The following GRPEL1 variants were observed in gnomAD, a reference collection of about 807,000 sequenced individuals.
The protein encoded by GRPEL1 is GrpE like 1, mitochondrial.
In GRPEL1, 13 loss-of-function variants were observed where a neutral mutation model predicts 22.1. That is an observed-to-expected ratio of 0.59 (90% confidence interval 0.38 to 0.94). The LOEUF (loss-of-function observed/expected upper bound fraction) is 0.94, where lower values mean the gene tolerates loss of function less well. Among genes scored for constraint, GRPEL1 ranks in the 40% least tolerant of loss-of-function variants. The pLI, the probability that GRPEL1 is intolerant of heterozygous loss-of-function variation, is 0.00. For missense variants in GRPEL1, 289 were observed against 264.6 expected, an observed-to-expected ratio of 1.09 and a Z score of -0.64; for synonymous variants, 109 against 105.3, an observed-to-expected ratio of 1.03 and a Z score of -0.21.
At chr4:7,067,499 A>C in intron 1 of GRPEL1, 2 of 161,346 alleles carry the variant, frequency 1.2e-5, no homozygotes, top group Non-Finnish European at 2.7e-5. Context: ...GCGGCACGGA[A>C]ATGAGTAACC....
At chr4:7,065,257 G>C (rs1724137354) in intron 1 of GRPEL1, among the ~76,000 whole-genome samples, 1 of 152,240 alleles carries the variant, frequency 6.6e-6, no homozygotes, top group Admixed American at 6.5e-5. Flanking sequence ...GCTCACGCCA[G>C]TAATCCCAGC....
Position 7,061,290 on chromosome 4 carries a change from T to C in GRPEL1, c.308-82A>G, listed in dbSNP as rs556103406. ...CAAACTGAGCACTGCTGACCTGATG[T>C]GGAGGCTATTTAGTAACTTGTCAAA... On this transcript the variant is annotated intron_variant, in intron 3 of 3. Coordinates refer to ENST00000264954, the MANE Select transcript of GRPEL1 (RefSeq NM_025196.4). 5.0e-5 allele frequency: 53 copies of C among 1,063,886 alleles called. No homozygotes were observed. In the Admixed American group the frequency reaches 1.1e-3, roughly 23 times the overall value. The allele number at this position is 1,063,886 out of a possible 1,614,324, so 65.9% of individuals were successfully genotyped here.
At chr4:7,064,378 T>A (rs1560401084) in intron 1 of GRPEL1, 155 bp from the exon 2 acceptor site, 1 of 654,182 alleles carries the variant, frequency 1.5e-6, no homozygotes, top group Non-Finnish European at 2.5e-6. Flanking sequence ...ACACTGTACG[T>A]GACATATAGA....
rs181556406 is a variant in GRPEL1 at position 7,066,860 on chromosome 4, C to T, written c.62+1111G>A. Among the ~76,000 whole-genome samples, 373 of 152,336 alleles carry T rather than the reference C, an allele frequency of 2.4e-3. 3 individuals are homozygous for T. Among genetic ancestry groups the T allele is most frequent in the African/African-American group, 8.4e-3 (348 of 41,570 alleles). On this transcript the variant is annotated intron_variant, in intron 1 of 3. Coordinates refer to ENST00000264954, the MANE Select transcript of GRPEL1 (RefSeq NM_025196.4). Reference sequence around the variant, plus strand: ...GTTCTCCTGCCTTTCCCTAGTTGAGCATCTTTCCACAAAACTACCATTCTA... The same window carrying T: ...GTTCTCCTGCCTTTCCCTAGTTGAGTATCTTTCCACAAAACTACCATTCTA...
At chr4:7,067,841 G>C in intron 1 of GRPEL1, 130 bp downstream of exon 1, 1 of 937,528 alleles carries the variant, frequency 1.1e-6, no homozygotes, top group Non-Finnish European at 1.6e-6. Context: ...CCGCGGCGGG[G>C]AACCGCGAGC....
intron 2 of GRPEL1, among the ~76,000 whole-genome samples, chr4:7,062,882 A>T (rs1224585505): frequency 6.6e-6 from 1 of 152,166 alleles, no homozygotes; most frequent in East Asian, 1.9e-4. Flanking sequence ...TGTGTAACTA[A>T]CTACAAGTCA....
intron 2 of GRPEL1, 50 bp downstream of exon 2, chr4:7,064,011 G>C: frequency 6.3e-7 from 1 of 1,582,092 alleles, no homozygotes; most frequent in Non-Finnish European, 8.6e-7. Flanking sequence ...TGGCCCAGGA[G>C]AGAAACAGTT....
rs751435677 is a variant in GRPEL1 at position 7,061,039 on chromosome 4, G to A, written c.477C>T (p.Gly159=). The change falls in exon 4 of 4, where the codon GGC becomes GGT. Residue 159 remains glycine (G), a synonymous_variant. Coordinates refer to ENST00000264954, the MANE Select transcript of GRPEL1 (RefSeq NM_025196.4). ...CTCCGACAGGGTTCAACTTGAGCAA[G>A]CCATGCTTTGTGAACACCTTCTGGA... ...VQIQKVFTKH[G]LLKLNPVGAK... 3 of 1,614,204 alleles carry A rather than the reference G, an allele frequency of 1.9e-6. No individual in the cohort carries two copies. The highest frequency in any genetic ancestry group is 2.5e-6 in the Non-Finnish European group (3 of 1,180,038).
At chr4:7,062,490 T>TTATATATATA (rs59986387) in intron 2 of GRPEL1, 24 bp from the exon 3 acceptor site, 12 of 617,368 alleles carry the variant, frequency 1.9e-5, no homozygotes, top group East Asian at 5.7e-5. Context: ...AAAGGGATAT[T>TTATATATATA]TATATATATA....
At chr4:7,067,890 G>A in intron 1 of GRPEL1, 81 bp downstream of exon 1, 3 of 1,438,266 alleles carry the variant, frequency 2.1e-6, no homozygotes, top group Non-Finnish European at 2.9e-6. Context: ...CCGGGAAGGA[G>A]GCCCCGGGGC....
chr4:7,065,252 C>T (rs558018475), intron 1 of GRPEL1, among the ~76,000 whole-genome samples: 5 of 152,334 alleles, frequency 3.3e-5, no homozygotes, highest in South Asian at 2.1e-4. Context: ...CGCTGGCTCA[C>T]GCCAGTAATC....
rs747347955 is a variant in GRPEL1, at chr4:7,064,194, G to A, written c.92C>T (p.Thr31Met). 12 of 1,613,694 alleles carry A rather than the reference G, an allele frequency of 7.4e-6. No individual in the cohort carries two copies. Among genetic ancestry groups the A allele is most frequent in the East Asian group, 2.2e-5 (1 of 44,862 alleles). The change falls in exon 2 of 4, where the codon ACG (threonine) becomes ATG (methionine). Residue 31 changes from threonine to methionine, a missense_variant. Coordinates refer to ENST00000264954, the MANE Select transcript of GRPEL1 (RefSeq NM_025196.4). ...RPSPRLLCTATKQKNSGQNLE... is the reference protein window; with the variant it reads ...RPSPRLLCTAMKQKNSGQNLE... ...GTTCTGGCCACTGTTCTTTTGTTTCGTGGCTGTGCACAACAACCGGGGAGA... is the reference window on the plus strand; with the variant it reads ...GTTCTGGCCACTGTTCTTTTGTTTCATGGCTGTGCACAACAACCGGGGAGA...
At chr4:7,063,913 T>G in intron 2 of GRPEL1, 148 bp downstream of exon 2, 2 of 828,614 alleles carry the variant, frequency 2.4e-6, no homozygotes, top group Non-Finnish European at 3.6e-6. Context: ...GCTTTGGCAG[T>G]AACTTGCCAC....
chr4:7,062,508 ATATATATCTT>A (rs1724066930), intron 2 of GRPEL1, 42 bp from the exon 3 acceptor site: 2 of 474,758 alleles, frequency 4.2e-6, no homozygotes, highest in African/African-American at 2.5e-5. Flanking sequence ...ATATATATAT[ATATATATCTT>A]TTTTTTTGAG....
chr4:7,064,238 A>G lies in GRPEL1; in HGVS notation c.63-15T>C, dbSNP rs576819542. 2 of 1,600,434 alleles carry G rather than the reference A, an allele frequency of 1.2e-6. No individual in the cohort carries two copies. Among genetic ancestry groups the G allele is most frequent in the East Asian group, 2.2e-5 (1 of 44,608 alleles). ...GGGGAGATGGCCTACAGGGAAGTCC[A>G]CACGTGAGAAACGAAGACTTAGTTT... On this transcript the variant is annotated splice_polypyrimidine_tract_variant and intron_variant, in intron 1 of 3. Transcript: ENST00000264954.
rs1049159083 is a variant in GRPEL1 at position 7,063,075 on chromosome 4, G to A, written c.226-609C>T. On this transcript the variant is annotated intron_variant, in intron 2 of 3. Coordinates refer to ENST00000264954, the MANE Select transcript of GRPEL1 (RefSeq NM_025196.4). ...TATTCCTCATGTCTCACCACCTTCC[G>A]GTAAGCTCACTCATCTGAGCCTTTT... Among the ~76,000 whole-genome samples the A allele has an allele frequency of 8.6e-5, 13 of 151,406 alleles. No individual in the cohort carries two copies. The East Asian group carries it at 9.7e-4, about 11-fold the overall frequency.
rs182271937 is a variant in GRPEL1 at position 7,062,731 on chromosome 4, C to T, written c.226-265G>A. On this transcript the variant is annotated intron_variant, in intron 2 of 3. Coordinates refer to ENST00000264954, the MANE Select transcript of GRPEL1 (RefSeq NM_025196.4). ...GTTTCACCGTGTTAGCCAGGATGGT[C>T]TCCATCTCCTGACCTTGTGATCCGA... Among the ~76,000 whole-genome samples, 503 of 152,086 alleles carry T rather than the reference C, an allele frequency of 3.3e-3. 3 individuals are homozygous for T. The highest frequency in any genetic ancestry group is 0.011 in the African/African-American group (475 of 41,460).
In GRPEL1 at chr4:7,064,220, T is replaced by C. The variant is rs1172842436; in HGVS notation, c.66A>G (p.Pro22=). The C allele has an allele frequency of 3.7e-6, 6 of 1,612,038 alleles. No individual in the cohort carries two copies. The highest frequency in any genetic ancestry group is 5.1e-6 in the Non-Finnish European group (6 of 1,178,932). Residue 22 remains proline (P), a synonymous_variant, in exon 2 of 4, where the codon CCA becomes CCG. Transcript: ENST00000264954. ...TGGCTGTGCACAACAACCGGGGAGATGGCCTACAGGGAAGTCCACACGTGA... is the reference window on the plus strand; with the variant it reads ...TGGCTGTGCACAACAACCGGGGAGACGGCCTACAGGGAAGTCCACACGTGA... The part of the protein sequence containing the change: ...SLPALALSLR[P]SPRLLCTATK...
Position 7,062,376 on chromosome 4 carries a change from T to C in GRPEL1, c.307+9A>G. ...TTCCGGAATCAACACCATGTTATGT[T>C]GAAAGTACCGTATAATTTTGCCTCC... On this transcript the variant is annotated intron_variant, in intron 3 of 3. Transcript: ENST00000264954. 2 of 1,476,180 alleles carry C rather than the reference T, an allele frequency of 1.4e-6. No homozygotes were observed. Among genetic ancestry groups the C allele is most frequent in the Non-Finnish European group, 1.9e-6 (2 of 1,059,214 alleles). The allele number at this position is 1,476,180 out of a possible 1,614,324, so 91.4% of individuals were successfully genotyped here.
Sources: gnomAD v4.1 joint callset for allele counts (sites outside exome capture counted in the v4.1 genomes callset) on GRCh38, gnomAD v4.1.1 for gene constraint, MANE v1.5 for transcripts, NCBI Gene and HGNC (gene_info 2026-07-23, HGNC 2026-07-21) for gene names.